FOCAD: variants seen among roughly 807,000 people sequenced by gnomAD.
The protein encoded by FOCAD is focadhesin.
A neutral mutation model predicts 225.6 loss-of-function variants in FOCAD; 198 were observed. That is an observed-to-expected ratio of 0.88 (90% CI 0.78 to 0.99). The LOEUF (loss-of-function observed/expected upper bound fraction) is 0.99, where lower values mean the gene tolerates loss of function less well. Ranked by LOEUF, FOCAD falls within the 50% of genes least tolerant of loss-of-function variation. The pLI is 0.00. For synonymous variants in FOCAD, 897 were observed against 755.0 expected, an observed-to-expected ratio of 1.19 and a Z score of -3.08; for missense variants, 2,713 against 2,123.6, an observed-to-expected ratio of 1.28 and a Z score of -5.46.
At chr9:20,988,893 C>T (rs747656329) in intron 41 of FOCAD, among the ~76,000 whole-genome samples, 4 of 152,086 alleles carry the variant, frequency 2.6e-5, no homozygotes, top group Non-Finnish European at 5.9e-5. Context: ...GGAGTGTATG[C>T]AGATAATCTT....
At chr9:20,680,501 G>C (rs955487827), upstream of FOCAD, among the ~76,000 whole-genome samples, 13 of 152,164 alleles carry the variant, frequency 8.5e-5, no homozygotes, top group Admixed American at 8.5e-4. Flanking sequence ...GAGGTTGCAA[G>C]CTGAGATTGC....
chr9:20,733,912 C>T (rs1031710117), intron 4 of FOCAD, among the ~76,000 whole-genome samples: 4 of 152,110 alleles, frequency 2.6e-5, no homozygotes, highest in Non-Finnish European at 4.4e-5. Context: ...TAGGTTCGAG[C>T]ATCACTTGAG....
chr9:20,838,227 C>G (rs577412345), intron 15 of FOCAD, among the ~76,000 whole-genome samples: 1 of 151,474 alleles, frequency 6.6e-6, no homozygotes, highest in Non-Finnish European at 1.5e-5. Context: ...TTTGAGTATA[C>G]ATTAGTTATC....
At position 20,832,047 on chromosome 9, in the gene FOCAD, G is replaced by A. The variant is rs190076469; in HGVS notation, c.1920+8932G>A. ...CAATACTTTTTATAGTGTCTTTTTAGGGTTGAGTAATACTGTGTTGTATGG... is the reference window on the plus strand; with the variant it reads ...CAATACTTTTTATAGTGTCTTTTTAAGGTTGAGTAATACTGTGTTGTATGG... On this transcript the variant is annotated intron_variant, in intron 15 of 43. Transcript: ENST00000338382. Among the ~76,000 whole-genome samples the A allele has an allele frequency of 2.2e-3, 331 of 152,146 alleles. 6 individuals are homozygous for A. Among genetic ancestry groups the A allele is most frequent in the Non-Finnish European group, 2.8e-3 (191 of 67,966 alleles).
At chr9:20,956,395 TA>T (rs1224068629) in intron 35 of FOCAD, among the ~76,000 whole-genome samples, 1 of 152,232 alleles carries the variant, frequency 6.6e-6, no homozygotes, top group African/African-American at 2.4e-5. Context: ...ATCTGTATAA[TA>T]CTAAGTTAAA....
intron 10 of FOCAD, among the ~76,000 whole-genome samples, chr9:20,784,633 C>T (rs989943354): frequency 4.6e-5 from 7 of 152,144 alleles, no homozygotes; most frequent in Non-Finnish European, 2.9e-5. Context: ...CTTGACTGAG[C>T]TGGGGTCTAC....
intron 21 of FOCAD, among the ~76,000 whole-genome samples, chr9:20,902,258 G>T (rs1832620824): frequency 6.6e-6 from 1 of 151,882 alleles, no homozygotes; most frequent in Non-Finnish European, 1.5e-5. Flanking sequence ...ATATATACTG[G>T]AAGTATGGAG....
At chr9:20,804,135 T>G (rs1191307146) in intron 11 of FOCAD, among the ~76,000 whole-genome samples, 1 of 152,116 alleles carries the variant, frequency 6.6e-6, no homozygotes, top group Non-Finnish European at 1.5e-5. Flanking sequence ...ATTTTTTTTG[T>G]GTGTTCCTGA....
chr9:20,788,787 G>C (rs965006794), intron 10 of FOCAD, among the ~76,000 whole-genome samples: 5 of 152,082 alleles, frequency 3.3e-5, no homozygotes, highest in Non-Finnish European at 7.4e-5. Flanking sequence ...ATAATCTCTG[G>C]GTATTGTTTC....
chr9:20,988,260 G>C, intron 40 of FOCAD, 72 bp from the exon 41 acceptor site: 1 of 908,144 alleles, frequency 1.1e-6, no homozygotes, highest in Non-Finnish European at 1.7e-6. Flanking sequence ...TAGTTATGAT[G>C]GTTGTTACTG....
intron 5 of FOCAD, among the ~76,000 whole-genome samples, chr9:20,753,891 C>A (rs539003412): frequency 1.1e-4 from 17 of 151,936 alleles, no homozygotes; most frequent in Admixed American, 1.0e-3. Context: ...TACAAGTGAT[C>A]GGGCTGATTC....
At chr9:20,732,837 A>G (rs1826830454) in intron 4 of FOCAD, among the ~76,000 whole-genome samples, 1 of 152,130 alleles carries the variant, frequency 6.6e-6, no homozygotes, top group South Asian at 2.1e-4. Context: ...TAGATGACTG[A>G]AAGGGATATG....
intron 6 of FOCAD, among the ~76,000 whole-genome samples, chr9:20,762,109 C>G (rs1346072953): frequency 1.3e-5 from 2 of 152,170 alleles, no homozygotes; most frequent in African/African-American, 4.8e-5. Flanking sequence ...TTCAGCATCT[C>G]AAAGTAGAAG....
At chr9:20,921,799 T>C (rs72703975) in intron 24 of FOCAD, among the ~76,000 whole-genome samples, 3,580 of 152,290 alleles carry the variant, frequency 0.024, 59 homozygotes, top group South Asian at 0.032. Context: ...AAAATAGTTT[T>C]TGGTACTGTT....
At chr9:20,784,862 A>G (rs553373815) in intron 10 of FOCAD, among the ~76,000 whole-genome samples, 2 of 152,330 alleles carry the variant, frequency 1.3e-5, no homozygotes, top group African/African-American at 4.8e-5. Flanking sequence ...GTGATATGCC[A>G]GGAGTTATTA....
chr9:20,875,173 G>C lies in FOCAD; in HGVS notation c.2317+366G>C, dbSNP rs1043400342. 1.5e-5 allele frequency: 3 copies of C among 202,614 alleles called. No homozygotes were observed. The Admixed American group carries it at 1.9e-4, about 13-fold the overall frequency. 12.6% of individuals were successfully genotyped at this position (202,614 alleles called of 1,614,324 possible). A position where few individuals can be genotyped will look rare whatever the true frequency, so the allele number is the denominator to read the frequency against. On this transcript the variant is annotated intron_variant, in intron 19 of 43. Coordinates refer to ENST00000338382, the MANE Select transcript of FOCAD (RefSeq NM_001375567.1). ...CATAAGCCAAGTGAAAAGATCATTA[G>C]ACTATTCAGAGATTTACTGAGTAGT...
intron 21 of FOCAD, among the ~76,000 whole-genome samples, chr9:20,902,109 T>C: frequency 6.6e-6 from 1 of 151,916 alleles, no homozygotes; most frequent in East Asian, 1.9e-4. Flanking sequence ...AGGTCCTTAA[T>C]TGAACACTTA....
intron 9 of FOCAD, among the ~76,000 whole-genome samples, chr9:20,781,174 G>A (rs1488638397): frequency 6.6e-6 from 1 of 152,208 alleles, no homozygotes; most frequent in East Asian, 1.9e-4. Flanking sequence ...TATCTGGTGT[G>A]TAAGTTGTTT....
upstream of FOCAD, chr9:20,683,214 C>T (rs1437466939): frequency 6.6e-6 from 1 of 152,218 alleles, no homozygotes; most frequent in Non-Finnish European, 1.5e-5. Flanking sequence ...CTTGTCTACA[C>T]ATTAAAATGA....
Sources: gnomAD v4.1 joint callset for allele counts (sites outside exome capture counted in the v4.1 genomes callset) on GRCh38, gnomAD v4.1.1 for gene constraint, MANE v1.5 for transcripts, NCBI Gene and HGNC (gene_info 2026-07-23, HGNC 2026-07-21) for gene names.